Variants in COBLL1 observed in about 807,000 individuals in gnomAD.
The protein encoded by COBLL1 is cordon-bleu WH2 repeat protein like 1, also known as cordon-bleu protein-like 1.
A neutral mutation model predicts 94.8 loss-of-function variants in COBLL1; 50 were observed. The ratio of observed to expected loss-of-function variants is 0.53; its 90% CI spans 0.42 to 0.67. The LOEUF (loss-of-function observed/expected upper bound fraction) is 0.67, where lower values mean the gene tolerates loss of function less well. Among genes scored for constraint, COBLL1 ranks in the 30% least tolerant of loss-of-function variants. The pLI is 0.00. For synonymous variants in COBLL1, 448 were observed against 473.8 expected (o/e 0.95, Z 0.71); for missense variants, 1,362 against 1,348.7 (o/e 1.01, Z -0.15).
intron 2 of COBLL1, among the ~76,000 whole-genome samples, chr2:164,757,151 G>A (rs13028876): frequency 0.046 from 6,991 of 152,086 alleles, 243 homozygotes; most frequent in Middle Eastern, 0.095. Flanking sequence ...GAGAACCACC[G>A]GTCTCATATA....
intron 2 of COBLL1, chr2:164,761,217 T>C (rs542930228): frequency 6.6e-6 from 1 of 152,338 alleles, no homozygotes; most frequent in Non-Finnish European, 1.5e-5. Flanking sequence ...GAAACCAGCC[T>C]GACCTACATG....
At chr2:164,788,602 A>C (rs2105291497) in intron 2 of COBLL1, among the ~76,000 whole-genome samples, 1 of 152,276 alleles carries the variant, frequency 6.6e-6, no homozygotes, top group Non-Finnish European at 1.5e-5. Context: ...TTTGTCTAGG[A>C]AGAAGGAAAA....
intron 2 of COBLL1, among the ~76,000 whole-genome samples, chr2:164,664,988 C>G (rs954605247): frequency 1.3e-5 from 2 of 152,040 alleles, no homozygotes; most frequent in Non-Finnish European, 2.9e-5. Flanking sequence ...AGAGAATCAA[C>G]AAATAGAAAT....
chr2:164,840,464 T>C (rs1189841361), intron 2 of COBLL1, among the ~76,000 whole-genome samples: 1 of 152,172 alleles, frequency 6.6e-6, no homozygotes, highest in Admixed American at 6.5e-5. Context: ...AGGTAACTAT[T>C]AGCATATCTG....
At chr2:164,688,101 A>G (rs1683402132) in intron 13 of COBLL1, among the ~76,000 whole-genome samples, 1 of 152,164 alleles carries the variant, frequency 6.6e-6, no homozygotes, top group Admixed American at 6.5e-5. Flanking sequence ...CTTCAAAGAG[A>G]CATTTGTTTA....
intron 2 of COBLL1, chr2:164,837,444 C>A (rs1176217143): frequency 6.5e-6 from 3 of 465,064 alleles, no homozygotes; most frequent in Non-Finnish European, 1.3e-5. Context: ...CTATCGCTCT[C>A]TTCTCCAATG....
At chr2:164,840,943 T>C (rs1289877539) in intron 2 of COBLL1, 1 of 421,532 alleles carries the variant, frequency 2.4e-6, no homozygotes, top group Non-Finnish European at 4.0e-6. Flanking sequence ...GCAGCCCCGG[T>C]AGGAAGGCAA....
At chr2:164,733,751 T>C (rs1686146818) in intron 3 of COBLL1, among the ~76,000 whole-genome samples, 1 of 152,232 alleles carries the variant, frequency 6.6e-6, no homozygotes, top group Admixed American at 6.5e-5. Flanking sequence ...AAGCTCCATG[T>C]GGATCTTTCT....
chr2:164,779,277 G>C (rs1397813742), intron 2 of COBLL1, among the ~76,000 whole-genome samples: 2 of 152,094 alleles, frequency 1.3e-5, no homozygotes, highest in Non-Finnish European at 2.9e-5. Context: ...TAATGAGAAA[G>C]GATAAACAGT....
chr2:164,679,322 TC>T (rs1682937410), downstream of COBLL1, among the ~76,000 whole-genome samples: 1 of 152,102 alleles, frequency 6.6e-6, no homozygotes, highest in South Asian at 2.1e-4. Context: ...GAATAAGTGG[TC>T]TTGGAGAAAT....
chr2:164,706,572 A>G (rs2105460700), intron 7 of COBLL1, among the ~76,000 whole-genome samples: 1 of 152,324 alleles, frequency 6.6e-6, no homozygotes, highest in Non-Finnish European at 1.5e-5. Context: ...GATCATGATG[A>G]TTCCTCTTTA....
chr2:164,687,258 T>C, intron 13 of COBLL1: 1 of 525,206 alleles, frequency 1.9e-6, no homozygotes, highest in South Asian at 2.8e-5. Flanking sequence ...TGGTTAGTAT[T>C]AAGAGGGGAA....
At chr2:164,790,815 T>C (rs934564723) in intron 2 of COBLL1, among the ~76,000 whole-genome samples, 1 of 152,198 alleles carries the variant, frequency 6.6e-6, no homozygotes, top group African/African-American at 2.4e-5. Context: ...ATGGTTTACA[T>C]AATACACCAT....
chr2:164,767,287 CAT>C (rs1478134510), intron 2 of COBLL1, among the ~76,000 whole-genome samples: 2 of 152,076 alleles, frequency 1.3e-5, no homozygotes, highest in Non-Finnish European at 2.9e-5. Flanking sequence ...AGTTTTAAAA[CAT>C]ATAGTTAGAA....
At chr2:164,809,977 T>A (rs938786484) in intron 2 of COBLL1, among the ~76,000 whole-genome samples, 1 of 151,788 alleles carries the variant, frequency 6.6e-6, no homozygotes, top group African/African-American at 2.4e-5. Context: ...AAATCATCTA[T>A]CTTCTTTTAC....
rs752493649 is a variant in COBLL1 at position 164,743,847 on chromosome 2, G to A, written c.70C>T (p.Pro24Ser). Residue 24 changes from proline to serine, a missense_variant, in exon 3 of 14, where the codon CCT becomes TCT. Pro to Ser is a moderately conservative substitution (Grantham distance 74). Coordinates refer to ENST00000652658, the MANE Select transcript of COBLL1 (RefSeq NM_001365672.2). ...TCAGTATATTTGGTCTCAGCTGGAG[G>A]AAGTGGTGCCTTGGCTTTTGGTTTT... ...RRKPKAKAPL[P>S]PAETKYTDVS... 21 of 1,567,786 alleles carry A rather than the reference G, an allele frequency of 1.3e-5. No individual in the cohort carries two copies. The highest frequency in any genetic ancestry group is 1.6e-5 in the Non-Finnish European group (19 of 1,152,606).
intron 2 of COBLL1, among the ~76,000 whole-genome samples, chr2:164,833,886 C>T (rs1683201886): frequency 6.6e-6 from 1 of 152,104 alleles, no homozygotes; most frequent in South Asian, 2.1e-4. Context: ...AAATAAATTA[C>T]CCATGCTCAC....
chr2:164,743,295 T>C (rs565481945), intron 3 of COBLL1: 1 of 158,140 alleles, frequency 6.3e-6, no homozygotes, highest in East Asian at 1.9e-4. Flanking sequence ...CAGCTTAAAG[T>C]GGGAAGAACA....
At chr2:164,771,914 G>A (rs1386230539) in intron 2 of COBLL1, 1 of 151,314 alleles carries the variant, frequency 6.6e-6, no homozygotes, top group African/African-American at 2.4e-5. Context: ...AATGTATAAT[G>A]AGTCTGTGTT....
Sources: gnomAD v4.1 joint callset for allele counts (sites outside exome capture counted in the v4.1 genomes callset) on GRCh38, gnomAD v4.1.1 for gene constraint, MANE v1.5 for transcripts, NCBI Gene and HGNC (gene_info 2026-07-23, HGNC 2026-07-21) for gene names.